The following ZNF281 variants were observed in gnomAD, a reference collection of about 807,000 sequenced individuals.
ZNF281 encodes zinc finger protein 281.
In ZNF281, 2 loss-of-function variants were observed where a neutral mutation model predicts 58.8. The ratio of observed to expected loss-of-function variants is 0.03; its 90% CI spans 0.01 to 0.11. The LOEUF is 0.11. ZNF281 is among the 10% of genes least tolerant of loss of function. The pLI is 1.00. For synonymous variants in ZNF281, 465 were observed against 407.7 expected (o/e 1.14, Z -1.69); for missense variants, 975 against 1,090.7 (o/e 0.89, Z 1.49).
In ZNF281 at chr1:200,407,293, T is replaced by C. The variant is rs370545102; in HGVS notation, c.2413A>G (p.Ile805Val). The C allele has an allele frequency of 1.1e-5, 18 of 1,614,058 alleles. No homozygotes were observed. In the African/African-American group the frequency reaches 2.3e-4, roughly 20 times the overall value. ...TGGCTAGCTAACTCCTGAGATGGAA[T>C]CTGAAAGCCTGTTGAAGACTCTAAG... The part of the protein sequence containing the change: ...KNLESSTGFQ[I>V]PSQELASQID... Residue 805 changes from isoleucine (I) to valine (V), a missense_variant, in exon 2 of 2, where the codon ATT becomes GTT. Around this residue, in one of 3 missense-constraint regions of ZNF281, gnomAD observed 579 missense variants for 608.9 expected, o/e 0.95. Coordinates refer to ENST00000367353, the MANE Select transcript of ZNF281 (RefSeq NM_001281293.2).
Position 200,406,976 on chromosome 1 carries a change from A to C in ZNF281, c.*42T>G. 6.5e-7 allele frequency: 1 copy of C among 1,536,608 alleles called. No homozygotes were observed. The highest frequency in any genetic ancestry group is 1.3e-5 in the South Asian group (1 of 79,156). Reference sequence around the variant, plus strand: ...ATGGCAGTGTTCTCAAAATAAAACAAAATTACATTAGAAGACCTCCAGCCT... The same window carrying C: ...ATGGCAGTGTTCTCAAAATAAAACACAATTACATTAGAAGACCTCCAGCCT... On this transcript the variant is annotated 3_prime_UTR_variant, in exon 2 of 2. Transcript: ENST00000367353.
chr1:200,409,212 C>T lies in ZNF281; in HGVS notation c.494G>A (p.Gly165Asp), dbSNP rs1654538214. ...GACGCCGTGACTCCCCCCTTCACCGCCTCCTAGGCCTGGAGACCTCTCTTC... is the reference window on the plus strand; with the variant it reads ...GACGCCGTGACTCCCCCCTTCACCGTCTCCTAGGCCTGGAGACCTCTCTTC... ...GAEERSPGLG[G>D]GEGGSHGVIQ... The change falls in exon 2 of 2, where the codon GGC becomes GAC. Residue 165 changes from glycine to aspartate, a missense_variant. Transcript: ENST00000367353. 15 of 1,614,112 alleles carry T rather than the reference C, an allele frequency of 9.3e-6. No homozygotes were observed. Among genetic ancestry groups the T allele is most frequent in the Non-Finnish European group, 1.2e-5 (14 of 1,180,030 alleles).
chr1:200,409,395 G>A lies in ZNF281; in HGVS notation c.311C>T (p.Pro104Leu), dbSNP rs749583020. 1.7e-5 allele frequency: 26 copies of A among 1,520,654 alleles called. No individual in the cohort carries two copies. Among genetic ancestry groups the A allele is most frequent in the Non-Finnish European group, 2.1e-5 (24 of 1,133,430 alleles). 94.2% of individuals were successfully genotyped at this position (1,520,654 alleles called of 1,614,324 possible). ...PAPDMTFKKE[P>L]AASAAAFPSQ... ...GGGGAAGGCCGCGGCTGACGCCGCC[G>A]GCTCCTTCTTGAAAGTCATGTCCGG... Residue 104 changes from proline to leucine, a missense_variant, in exon 2 of 2, where the codon CCG becomes CTG. By Grantham distance (98) the Pro-to-Leu change is moderately conservative. Around this residue, in one of 3 missense-constraint regions of ZNF281, gnomAD observed 370 missense variants for 360.9 expected, o/e 1.03. Transcript: ENST00000367353.
Position 200,407,483 on chromosome 1 carries a change from AAAC to A in ZNF281, c.2220_2222del (p.Leu740del). On this transcript the variant is annotated inframe_deletion, in exon 2 of 2. Coordinates refer to ENST00000367353, the MANE Select transcript of ZNF281 (RefSeq NM_001281293.2). ...ACAAATAAAGACCTGGCTGAGATCC[AAAC>A]AACATCCCAAAAGGAGGCTTTGGCA... 3 of 1,614,244 alleles carry A rather than the reference AAAC, an allele frequency of 1.9e-6. No individual in the cohort carries two copies. Among genetic ancestry groups the A allele is most frequent in the Non-Finnish European group, 1.7e-6 (2 of 1,180,044 alleles).
Position 200,408,754 on chromosome 1 carries a change from C to T in ZNF281, c.952G>A (p.Gly318Arg). 1 of 1,614,120 alleles carries T rather than the reference C, an allele frequency of 6.2e-7. No individual in the cohort carries two copies. ...EKIHSREKPF[G>R]CDQCSMKFIQ... ...AACTTCATGCTGCACTGATCACATC[C>T]AAATGGCTTCTCTCTACTATGAATT... The change falls in exon 2 of 2, where the codon GGA (glycine) becomes AGA (arginine). Residue 318 changes from glycine (G) to arginine (R), a missense_variant. Physicochemically the swap from Gly to Arg is moderately radical, Grantham distance 125. Around this residue, in one of 3 missense-constraint regions of ZNF281, gnomAD observed 26 missense variants for 121.0 expected, o/e 0.21. Coordinates refer to ENST00000367353, the MANE Select transcript of ZNF281 (RefSeq NM_001281293.2).
rs1654498196 is a variant in ZNF281, at chr1:200,407,963, C to T, written c.1743G>A (p.Leu581=). 1.2e-6 allele frequency: 2 copies of T among 1,614,046 alleles called. No individual in the cohort carries two copies. Among genetic ancestry groups the T allele is most frequent in the South Asian group, 1.1e-5 (1 of 91,084 alleles). ...TTAGAGCTGAGGAGTCAATAAGTGA[C>T]AATGGTGCCTCATTGTCCAAAACAC... The part of the protein sequence containing the change: ...GVSVLDNEAP[L]SLIDSSALNA... Residue 581 remains leucine, a synonymous_variant, in exon 2 of 2, where the codon TTG becomes TTA. Transcript: ENST00000367353.
At chr1:200,409,920 C>G in intron 1 of ZNF281, 26 bp downstream of exon 1, 1 of 668,750 alleles carries the variant, frequency 1.5e-6, no homozygotes, top group Non-Finnish European at 2.4e-6. Context: ...CGCCCTCTCC[C>G]TCCTGGACCC....
chr1:200,408,758 T>A lies in ZNF281; in HGVS notation c.948A>T (p.Pro316=). The A allele has an allele frequency of 6.2e-7, 1 of 1,614,172 alleles. No homozygotes were observed. The highest frequency in any genetic ancestry group is 1.1e-5 in the South Asian group (1 of 91,086). ...TCATGCTGCACTGATCACATCCAAATGGCTTCTCTCTACTATGAATTTTCT... is the reference window on the plus strand; with the variant it reads ...TCATGCTGCACTGATCACATCCAAAAGGCTTCTCTCTACTATGAATTTTCT... ...RHEKIHSREK[P]FGCDQCSMKF... The change falls in exon 2 of 2, where the codon CCA becomes CCT. Residue 316 remains proline, a synonymous_variant. Transcript: ENST00000367353.
rs982702925 is a variant in ZNF281 at position 200,409,276 on chromosome 1, G to A, written c.430C>T (p.His144Tyr). Residue 144 changes from histidine (H) to tyrosine (Y), a missense_variant, in exon 2 of 2, where the codon CAT becomes TAT. By Grantham distance (83) the His-to-Tyr change is moderately conservative. Transcript: ENST00000367353. ...DPEEQQSHHH[H>Y]HHHHYGGLFA... is the part of the protein sequence containing the mutation. The stretch of plus-strand genomic sequence containing the variant: ...AGCCCCCCATAGTGGTGGTGGTGAT[G>A]GTGGTGGTGGGACTGCTGCTCCTCA... 1 of 1,612,928 alleles carries A rather than the reference G, an allele frequency of 6.2e-7. No homozygotes were observed. The highest frequency in any genetic ancestry group is 8.5e-7 in the Non-Finnish European group (1 of 1,179,560).
chr1:200,406,229 T>G lies in ZNF281; in HGVS notation c.*789A>C, dbSNP rs759170042. On this transcript the variant is annotated 3_prime_UTR_variant, in exon 2 of 2. Coordinates refer to ENST00000367353, the MANE Select transcript of ZNF281 (RefSeq NM_001281293.2). ...AACACTGTACTAGATGTCAGTAGAA[T>G]CGCTTGATGGAATTACAGCCTTGTT... The G allele has an allele frequency of 2.6e-5, 4 of 152,542 alleles. No homozygotes were observed. The highest frequency in any genetic ancestry group is 1.3e-4 in the Admixed American group (2 of 15,284). The allele number at this position is 152,542 out of a possible 1,614,324, so 9.4% of individuals were successfully genotyped here.
Position 200,409,513 on chromosome 1 carries a change from G to T in ZNF281, c.193C>A (p.Arg65=). ...GGAGGGGCGGCCGACCCCGCCGGCC[G>T]GGTGAAGCTGGTGACCGGGGGAAGA... ...HRLPPVTSFT[R]PAGSAAPPPQ... The change falls in exon 2 of 2, where the codon CGG becomes AGG. Residue 65 remains arginine (R), a synonymous_variant. Coordinates refer to ENST00000367353, the MANE Select transcript of ZNF281 (RefSeq NM_001281293.2). 6.5e-7 allele frequency: 1 copy of T among 1,549,634 alleles called. No individual in the cohort carries two copies. Among genetic ancestry groups the T allele is most frequent in the East Asian group, 2.4e-5 (1 of 40,888 alleles).
At position 200,407,226 on chromosome 1, in the gene ZNF281, T is replaced by A; in HGVS notation, c.2480A>T (p.Gln827Leu). 6.2e-7 allele frequency: 1 copy of A among 1,614,268 alleles called. No homozygotes were observed. Among genetic ancestry groups the A allele is most frequent in the Non-Finnish European group, 8.5e-7 (1 of 1,180,046 alleles). The change falls in exon 2 of 2, where the codon CAG becomes CTG. Residue 827 changes from glutamine (Q) to leucine (L), a missense_variant. Physicochemically the swap from Gln to Leu is moderately radical, Grantham distance 113. Coordinates refer to ENST00000367353, the MANE Select transcript of ZNF281 (RefSeq NM_001281293.2). ...AAACGCTTGTGCAAAGTTCTCAATC[T>A]GATACGTTGTTCTAGGCTCTATGTC... Reference protein sequence around the residue: ...QKDIEPRTTYQIENFAQAFGS... With the variant: ...QKDIEPRTTYLIENFAQAFGS...
Position 200,407,048 on chromosome 1 carries a change from T to C in ZNF281, c.2658A>G (p.Val886=). 3.1e-6 allele frequency: 5 copies of C among 1,613,324 alleles called. No individual in the cohort carries two copies. The highest frequency in any genetic ancestry group is 4.2e-6 in the Non-Finnish European group (5 of 1,179,608). The change falls in exon 2 of 2, where the codon GTA becomes GTG. Residue 886 remains valine, a synonymous_variant. Coordinates refer to ENST00000367353, the MANE Select transcript of ZNF281 (RefSeq NM_001281293.2). ...SDVSEPCSTR[V]KTPTSQSYR ...TGTAACTCTGGCTGGTGGGTGTCTT[T>C]ACTCTTGTACTACATGGCTCACTTA...
rs1329805893 is a variant in ZNF281 at position 200,407,028 on chromosome 1, C to T, written c.2678G>A (p.Ser893Asn). 1 of 1,609,258 alleles carries T rather than the reference C, an allele frequency of 6.2e-7. No homozygotes were observed. Among genetic ancestry groups the T allele is most frequent in the Non-Finnish European group, 8.5e-7 (1 of 1,177,306 alleles). The change falls in exon 2 of 2, where the codon AGT (serine) becomes AAT (asparagine). Residue 893 changes from serine (S) to asparagine (N), a missense_variant. This residue lies in a region of ZNF281 where 579 missense variants were observed against 608.9 expected (regional missense o/e 0.95). Coordinates refer to ENST00000367353, the MANE Select transcript of ZNF281 (RefSeq NM_001281293.2). The part of the protein sequence containing the change: ...STRVKTPTSQ[S>N]YR Reference sequence around the variant, plus strand: ...GCCACTTTTGGGACCTTACCTGTAACTCTGGCTGGTGGGTGTCTTTACTCT... The same window carrying T: ...GCCACTTTTGGGACCTTACCTGTAATTCTGGCTGGTGGGTGTCTTTACTCT...
rs1383705075 is a variant in ZNF281 at position 200,408,132 on chromosome 1, C to T, written c.1574G>A (p.Gly525Asp). The change falls in exon 2 of 2, where the codon GGT becomes GAT. Residue 525 changes from glycine (G) to aspartate (D), a missense_variant. Coordinates refer to ENST00000367353, the MANE Select transcript of ZNF281 (RefSeq NM_001281293.2). ...GLLQSTSGKQ[G>D]QISSNYDDAM... is the part of the protein sequence containing the mutation. Reference sequence around the variant, plus strand: ...ATCATCATAATTACTACTTATCTGACCTTGTTTGCCACTTGTACTTTGGAG... The same window carrying T: ...ATCATCATAATTACTACTTATCTGATCTTGTTTGCCACTTGTACTTTGGAG... The T allele has an allele frequency of 1.2e-6, 2 of 1,613,976 alleles. No homozygotes were observed. The highest frequency in any genetic ancestry group is 1.7e-6 in the Non-Finnish European group (2 of 1,180,036).
At position 200,406,789 on chromosome 1, in the gene ZNF281, C is replaced by A; in HGVS notation, c.*229G>T. 1 of 364,380 alleles carries A rather than the reference C, an allele frequency of 2.7e-6. No individual in the cohort carries two copies. Among genetic ancestry groups the A allele is most frequent in the Non-Finnish European group, 4.9e-6 (1 of 205,140 alleles). The allele number at this position is 364,380 out of a possible 1,614,324, so 22.6% of individuals were successfully genotyped here. On this transcript the variant is annotated 3_prime_UTR_variant, in exon 2 of 2. Coordinates refer to ENST00000367353, the MANE Select transcript of ZNF281 (RefSeq NM_001281293.2). Reference sequence around the variant, plus strand: ...TATACATGTAAATTTGATTGCTAAACATTGTCACTTTGAATGTCAAACTAT... The same window carrying A: ...TATACATGTAAATTTGATTGCTAAAAATTGTCACTTTGAATGTCAAACTAT...
Position 200,409,698 on chromosome 1 carries a change from AT to A in ZNF281, c.7del (p.Ile3SerfsTer6). ...GCCGCCACTCAGGAACCCACTGCCG[AT>A]TTTCATACCCCGGAGGAGGCCTGGC... MK[I>X]GSGFLSGGGG... is the part of the protein sequence containing the mutation. On this transcript the variant is annotated frameshift_variant, in exon 2 of 2. Coordinates refer to ENST00000367353, the MANE Select transcript of ZNF281 (RefSeq NM_001281293.2). LOFTEE classifies it high-confidence loss of function. 2 of 1,588,898 alleles carry A rather than the reference AT, an allele frequency of 1.3e-6. No homozygotes were observed. The highest frequency in any genetic ancestry group is 2.3e-5 in the East Asian group (1 of 43,148).
At position 200,407,916 on chromosome 1, in the gene ZNF281, T is replaced by C. The variant is rs1654497012; in HGVS notation, c.1790A>G (p.His597Arg). 6.2e-7 allele frequency: 1 copy of C among 1,614,082 alleles called. No individual in the cohort carries two copies. Among genetic ancestry groups the C allele is most frequent in the African/African-American group, 1.3e-5 (1 of 74,936 alleles). ...SALNAEIKSCHDKSGIPDEVL... is the reference protein window; with the variant it reads ...SALNAEIKSCRDKSGIPDEVL... ...CTCATCAGGAATTCCAGACTTGTCATGACAAGATTTAATTTCAGCATTTAG... is the reference window on the plus strand; with the variant it reads ...CTCATCAGGAATTCCAGACTTGTCACGACAAGATTTAATTTCAGCATTTAG... The change falls in exon 2 of 2, where the codon CAT becomes CGT. Residue 597 changes from histidine (H) to arginine (R), a missense_variant. Transcript: ENST00000367353.
chr1:200,409,772 C>G, intron 1 of ZNF281, 49 bp from the exon 2 acceptor site: 1 of 1,523,170 alleles, frequency 6.6e-7, no homozygotes, highest in Non-Finnish European at 8.8e-7. Flanking sequence ...GAGGTGGAAC[C>G]GGGCCCCGGG....
Sources: gnomAD v4.1 joint callset for allele counts on GRCh38, gnomAD v4.1.1 for gene constraint, gnomAD v4.1.1 regional missense constraint, MANE v1.5 for transcripts, NCBI Gene and HGNC (gene_info 2026-07-23, HGNC 2026-07-21) for gene names.